Variants in PLCH1 observed in about 807,000 individuals in gnomAD.
PLCH1 encodes the protein phospholipase C eta 1, also known as 1-phosphatidylinositol 4,5-bisphosphate phosphodiesterase eta-1.
In PLCH1, 60 loss-of-function variants were observed where a neutral mutation model predicts 126.7. The observed-to-expected ratio is 0.47, with a 90% CI of 0.38 to 0.59. The LOEUF is 0.59. Ranked by LOEUF, PLCH1 falls within the 20% of genes least tolerant of loss-of-function variation. The pLI is 0.00. For missense variants in PLCH1, 1,723 were observed against 2,040.0 expected (o/e 0.84, Z 2.99); for synonymous variants, 719 against 734.9 (o/e 0.98, Z 0.35).
intron 1 of PLCH1, among the ~76,000 whole-genome samples, chr3:155,733,754 C>T (rs966281525): frequency 1.7e-4 from 26 of 151,438 alleles, no homozygotes; most frequent in African/African-American, 6.1e-4. Flanking sequence ...AATAAAGAGA[C>T]GACCTGTGGA....
chr3:155,584,530 T>C (rs980259594), intron 5 of PLCH1, among the ~76,000 whole-genome samples: 3 of 152,232 alleles, frequency 2.0e-5, no homozygotes, highest in Non-Finnish European at 4.4e-5. Context: ...GTTGGCTGAA[T>C]TATTCATAAA....
At chr3:155,627,071 T>TC (rs961215663) in intron 2 of PLCH1, among the ~76,000 whole-genome samples, 2 of 152,126 alleles carry the variant, frequency 1.3e-5, no homozygotes, top group African/African-American at 4.8e-5. Flanking sequence ...GTAAATAATG[T>TC]CACATGATAT....
chr3:155,489,663 A>G (rs528174013), intron 19 of PLCH1, among the ~76,000 whole-genome samples: 5 of 152,208 alleles, frequency 3.3e-5, no homozygotes, highest in Non-Finnish European at 5.9e-5. Flanking sequence ...TTAATAAGGT[A>G]TATAATTCAC....
At chr3:155,723,507 T>G (rs900458747) in intron 1 of PLCH1, among the ~76,000 whole-genome samples, 3 of 152,170 alleles carry the variant, frequency 2.0e-5, no homozygotes, top group African/African-American at 7.2e-5. Context: ...TCTAGCTCCT[T>G]GAGGTGTGAC....
intron 2 of PLCH1, among the ~76,000 whole-genome samples, chr3:155,682,790 C>CA (rs1457074209): frequency 6.6e-6 from 1 of 152,180 alleles, no homozygotes; most frequent in East Asian, 1.9e-4. Context: ...AACAGGATAA[C>CA]AGAGTATAAC....
chr3:155,623,983 T>C (rs537447883), intron 2 of PLCH1, among the ~76,000 whole-genome samples: 3 of 152,142 alleles, frequency 2.0e-5, no homozygotes, highest in Non-Finnish European at 2.9e-5. Context: ...CTGATGAACA[T>C]TGATGCGAAC....
chr3:155,502,090 C>T (rs546082673), intron 13 of PLCH1, among the ~76,000 whole-genome samples: 4 of 152,166 alleles, frequency 2.6e-5, no homozygotes, highest in Non-Finnish European at 5.9e-5. Context: ...CAGTAAGATG[C>T]CAGTTTGGTT....
intron 10 of PLCH1, among the ~76,000 whole-genome samples, chr3:155,529,024 A>G (rs1040936255): frequency 1.7e-4 from 26 of 152,318 alleles, no homozygotes; most frequent in African/African-American, 6.3e-4. Context: ...GCCTCTTTTC[A>G]ATGGTGTTAC....
intron 2 of PLCH1, among the ~76,000 whole-genome samples, chr3:155,597,590 C>T (rs978775850): frequency 2.6e-5 from 4 of 152,122 alleles, no homozygotes; most frequent in East Asian, 1.9e-4. Flanking sequence ...AAAAGAAACA[C>T]AATAAACAAA....
chr3:155,575,232 C>T (rs1387883456), intron 6 of PLCH1, among the ~76,000 whole-genome samples: 3 of 152,104 alleles, frequency 2.0e-5, no homozygotes, highest in African/African-American at 7.2e-5. Context: ...GATAAAGATA[C>T]ATTATCACCA....
In PLCH1 at chr3:155,586,126, T is replaced by C. The variant is rs1731336182; in HGVS notation, c.539A>G (p.His180Arg). The change falls in exon 5 of 23, where the codon CAT becomes CGT. Residue 180 changes from histidine to arginine, a missense_variant. By Grantham distance (29) the His-to-Arg change is conservative. This residue lies in a region of PLCH1 where 776 missense variants were observed against 1,062.9 expected (regional missense o/e 0.73). Coordinates refer to ENST00000460012, the MANE Select transcript of PLCH1 (RefSeq NM_014996.4). ...GDGLLNIEEI[H>R]QLMHKLNVNL... is the part of the protein sequence containing the mutation. ...AACATTCAGTTTATGCATCAGCTGA[T>C]GTATCTCTTCAATATTCAGCAAGCC... 2 of 1,613,386 alleles carry C rather than the reference T, an allele frequency of 1.2e-6. No homozygotes were observed. Among genetic ancestry groups the C allele is most frequent in the Non-Finnish European group, 1.7e-6 (2 of 1,179,294 alleles).
At chr3:155,662,692 T>C (rs1327378876) in intron 2 of PLCH1, among the ~76,000 whole-genome samples, 1 of 151,952 alleles carries the variant, frequency 6.6e-6, no homozygotes, top group Admixed American at 6.6e-5. Context: ...TTAGATGGAG[T>C]CTCACTCTGT....
chr3:155,518,668 G>A (rs1183381131), intron 11 of PLCH1, among the ~76,000 whole-genome samples: 4 of 152,072 alleles, frequency 2.6e-5, no homozygotes, highest in Non-Finnish European at 5.9e-5. Flanking sequence ...AGAACTCCAC[G>A]TCTCTAACCC....
At chr3:155,541,380 C>G (rs971372029) in intron 10 of PLCH1, among the ~76,000 whole-genome samples, 2 of 152,142 alleles carry the variant, frequency 1.3e-5, no homozygotes, top group African/African-American at 4.8e-5. Flanking sequence ...ACAAAACCTA[C>G]TGAAATTAAT....
intron 21 of PLCH1, among the ~76,000 whole-genome samples, chr3:155,474,684 C>T (rs1365828349): frequency 7.8e-6 from 1 of 128,448 alleles, no homozygotes; most frequent in Non-Finnish European, 1.6e-5. Flanking sequence ...ACCCAAATGT[C>T]CATCAATGAT....
chr3:155,597,384 T>A (rs1170348503), intron 2 of PLCH1, among the ~76,000 whole-genome samples: 1 of 152,224 alleles, frequency 6.6e-6, no homozygotes, highest in Non-Finnish European at 1.5e-5. Flanking sequence ...TGACAAATGA[T>A]CCCATTTTCC....
rs545206765 is a variant in PLCH1, at chr3:155,472,055, G to A, written c.2938+13301C>T. Among the ~76,000 whole-genome samples the A allele has an allele frequency of 1.0e-3, 155 of 152,282 alleles. 1 individual carries two copies. Among genetic ancestry groups the A allele is most frequent in the Non-Finnish European group, 1.6e-3 (111 of 68,038 alleles). ...GAGCAAACGCATTCAAAAGCTAGCA[G>A]AAGGCAAGAAATAACTGAAATCAGA... On this transcript the variant is annotated intron_variant, in intron 21 of 21. Coordinates refer to the PLCH1 transcript ENST00000494598.
At chr3:155,513,619 G>A (rs940551196) in intron 12 of PLCH1, among the ~76,000 whole-genome samples, 1 of 152,172 alleles carries the variant, frequency 6.6e-6, no homozygotes, top group African/African-American at 2.4e-5. Flanking sequence ...GGCGAGGAGG[G>A]TGGAAAGATT....
intron 21 of PLCH1, among the ~76,000 whole-genome samples, chr3:155,454,253 A>G: frequency 6.6e-6 from 1 of 152,218 alleles, no homozygotes; most frequent in East Asian, 1.9e-4. Flanking sequence ...GCCAGCAAGG[A>G]GTTGGGCTCA....
Sources: allele counts gnomAD v4.1 joint callset (sites outside exome capture counted in the v4.1 genomes callset), GRCh38; gene constraint gnomAD v4.1.1; regional missense constraint gnomAD v4.1.1; transcripts MANE v1.5; gene names NCBI Gene and HGNC (gene_info 2026-07-23, HGNC 2026-07-21).